EXT1: variants seen among roughly 807,000 people sequenced by gnomAD.
EXT1 encodes exostosin-1.
Under a neutral mutation model 82.5 loss-of-function variants are expected in EXT1, and 20 were observed. The ratio of observed to expected loss-of-function variants is 0.24; its 90% CI spans 0.17 to 0.35. The LOEUF is 0.35. Ranked by LOEUF, EXT1 falls within the 10% of genes least tolerant of loss-of-function variation. The pLI, the probability that EXT1 is intolerant of heterozygous loss-of-function variation, is 1.00. For synonymous variants in EXT1, 348 were observed against 350.8 expected, an observed-to-expected ratio of 0.99 and a Z score of 0.09; for missense variants, 757 against 936.5, an observed-to-expected ratio of 0.81 and a Z score of 2.50.
At chr8:117,892,738 C>A (rs1813267407) in intron 1 of EXT1, among the ~76,000 whole-genome samples, 1 of 152,116 alleles carries the variant, frequency 6.6e-6, no homozygotes, top group Non-Finnish European at 1.5e-5. Context: ...GTGGCTTGCA[C>A]CATAGAAGCA....
Position 117,862,369 on chromosome 8 carries a change from C to T in EXT1, c.963-25168G>A, listed in dbSNP as rs1225040125. ...GCCAAATGCAGAAGGTGAGGCTGCA[C>T]CTCATCTCTAAAAGAAGTATTTGAT... On this transcript the variant is annotated intron_variant, in intron 1 of 10. Coordinates refer to ENST00000378204, the MANE Select transcript of EXT1 (RefSeq NM_000127.3). 1.4e-5 allele frequency among the ~76,000 whole-genome samples: 2 copies of T among 145,850 alleles called. 1 individual carries two copies. The highest frequency in any genetic ancestry group is 1.4e-4 in the Admixed American group (2 of 14,392).
At chr8:117,858,766 A>AAGGCAGGCAGGC (rs71303472) in intron 1 of EXT1, among the ~76,000 whole-genome samples, 19 of 54,658 alleles carry the variant, frequency 3.5e-4, no homozygotes, top group African/African-American at 5.1e-4. Flanking sequence ...GGAAGGAAGG[A>AAGGCAGGCAGGC]AGGCAGGCAG....
intron 1 of EXT1, among the ~76,000 whole-genome samples, chr8:117,918,763 A>C (rs919832652): frequency 1.3e-5 from 2 of 152,240 alleles, no homozygotes; most frequent in Non-Finnish European, 2.9e-5. Context: ...CAGATGCCAC[A>C]TGGAATGGAA....
Position 117,959,926 on chromosome 8 carries a change from T to C in EXT1, c.963-122725A>G, listed in dbSNP as rs541117569. On this transcript the variant is annotated intron_variant, in intron 1 of 10. Transcript: ENST00000378204. ...GAACAACAGATTGGCACATAATAAA[T>C]ACCCAGGCCGGTCATGGTTGCTCAC... Among the ~76,000 whole-genome samples the C allele has an allele frequency of 7.0e-4, 106 of 152,260 alleles. No individual in the cohort carries two copies. The South Asian group carries it at 0.012, about 17-fold the overall frequency.
chr8:117,819,748 G>T lies in EXT1; in HGVS notation c.1464C>A (p.Thr488=), dbSNP rs766314797. Residue 488 remains threonine (T), a synonymous_variant, in exon 6 of 11, where the codon ACC becomes ACA. Transcript: ENST00000378204. ...SKFTAVIHAV[T]PLVSQSQPVL... Reference sequence around the variant, plus strand: ...CTGGCTGGGACTGAGAGACCAGGGGGGTCACCGCATGGATGACTGCAGTGA... The same window carrying T: ...CTGGCTGGGACTGAGAGACCAGGGGTGTCACCGCATGGATGACTGCAGTGA... 1.4e-5 allele frequency: 22 copies of T among 1,613,288 alleles called. No homozygotes were observed. Among genetic ancestry groups the T allele is most frequent in the Non-Finnish European group, 1.8e-5 (21 of 1,180,032 alleles).
chr8:117,884,839 G>A (rs889949938), intron 1 of EXT1, among the ~76,000 whole-genome samples: 15 of 152,170 alleles, frequency 9.9e-5, no homozygotes, highest in African/African-American at 3.1e-4. Context: ...ATCACATCCC[G>A]TCTTCTCTCC....
chr8:118,010,654 G>A (rs1261796345), intron 1 of EXT1, among the ~76,000 whole-genome samples: 1 of 152,168 alleles, frequency 6.6e-6, no homozygotes, highest in Non-Finnish European at 1.5e-5. Flanking sequence ...GCATGTTTAC[G>A]TGGCACATCA....
intron 1 of EXT1, among the ~76,000 whole-genome samples, chr8:118,008,156 G>A (rs1464932444): frequency 6.6e-6 from 1 of 152,186 alleles, no homozygotes; most frequent in African/African-American, 2.4e-5. Context: ...ACTTGTGAGT[G>A]AGAACATGCA....
chr8:117,802,037 C>T (rs2129686426), intron 10 of EXT1, among the ~76,000 whole-genome samples: 1 of 152,276 alleles, frequency 6.6e-6, no homozygotes, highest in East Asian at 1.9e-4. Flanking sequence ...TAATAAAAGC[C>T]TAATCCTAGA....
intron 1 of EXT1, among the ~76,000 whole-genome samples, chr8:117,993,444 G>C (rs1334387045): frequency 6.6e-6 from 1 of 152,196 alleles, no homozygotes; most frequent in African/African-American, 2.4e-5. Flanking sequence ...CACAGTGAAG[G>C]ATGAACAGAG....
At chr8:117,873,823 C>T (rs1463538995) in intron 1 of EXT1, among the ~76,000 whole-genome samples, 2 of 152,136 alleles carry the variant, frequency 1.3e-5, no homozygotes, top group African/African-American at 4.8e-5. Context: ...GGGTGATTTT[C>T]AACATTCATA....
intron 1 of EXT1, among the ~76,000 whole-genome samples, chr8:117,968,614 G>T (rs1204968773): frequency 1.7e-5 from 1 of 57,186 alleles, no homozygotes; most frequent in Non-Finnish European, 2.7e-5. Context: ...CTGTCACCCA[G>T]GCTGGAGTGC....
intron 1 of EXT1, among the ~76,000 whole-genome samples, chr8:117,843,733 T>A (rs1038933279): frequency 6.6e-6 from 1 of 152,136 alleles, no homozygotes; most frequent in African/African-American, 2.4e-5. Flanking sequence ...GGACTTCATA[T>A]AACCCAATTT....
At chr8:117,967,914 G>A (rs1245730853) in intron 1 of EXT1, among the ~76,000 whole-genome samples, 1 of 152,180 alleles carries the variant, frequency 6.6e-6, no homozygotes, top group Non-Finnish European at 1.5e-5. Context: ...GAGGACTATA[G>A]TTAATAGTAT....
rs574975557 is a variant in EXT1, at chr8:117,988,819, T to C, written c.962+121266A>G. Among the ~76,000 whole-genome samples the C allele has an allele frequency of 2.1e-3, 324 of 152,310 alleles. 6 individuals carry two copies. The highest frequency in any genetic ancestry group is 1.0e-3 in the Non-Finnish European group (70 of 68,018). ...CTGTGGACAGATGAGCACAGGCTCC[T>C]GCCGGTCCAACCCAGAATTGGACAA... On this transcript the variant is annotated intron_variant, in intron 1 of 10. Transcript: ENST00000378204.
intron 7 of EXT1, among the ~76,000 whole-genome samples, chr8:117,815,117 A>G (rs1201212318): frequency 6.6e-6 from 1 of 152,230 alleles, no homozygotes; most frequent in East Asian, 1.9e-4. Flanking sequence ...CAGAATTCTC[A>G]GCCTGAAGCA....
At position 117,818,582 on chromosome 8, in the gene EXT1, G is replaced by A. The variant is rs768362541; in HGVS notation, c.1537-52C>T. ...GCTGGGGTAGGATGTATTTATGTAT[G>A]CCTCCAACCCAAAGCCTCTTCTCAG... On this transcript the variant is annotated intron_variant, in intron 6 of 10. Transcript: ENST00000378204. The A allele has an allele frequency of 7.6e-6, 10 of 1,315,166 alleles. No homozygotes were observed. The East Asian group carries it at 9.2e-5, about 12-fold the overall frequency. 81.5% of individuals were successfully genotyped at this position (1,315,166 alleles called of 1,614,324 possible).
chr8:118,007,462 C>G (rs1224921519), intron 1 of EXT1, among the ~76,000 whole-genome samples: 1 of 152,138 alleles, frequency 6.6e-6, no homozygotes, highest in Non-Finnish European at 1.5e-5. Context: ...AAACTAGAGG[C>G]CTCCTTTCAA....
intron 1 of EXT1, among the ~76,000 whole-genome samples, chr8:117,925,021 T>A (rs1056349453): frequency 6.6e-6 from 1 of 152,284 alleles, no homozygotes. Context: ...TTTAGTGACA[T>A]GTTTCCATGG....
Sources: allele counts gnomAD v4.1 joint callset (sites outside exome capture counted in the v4.1 genomes callset), GRCh38; gene constraint gnomAD v4.1.1; transcripts MANE v1.5; gene names NCBI Gene and HGNC (gene_info 2026-07-23, HGNC 2026-07-21).